RBBP4: variants seen among roughly 807,000 people sequenced by gnomAD.
RBBP4 encodes the protein histone-binding protein RBBP4.
RBBP4 carries 3 observed loss-of-function variants against 57.2 expected under a neutral mutation model. The observed-to-expected ratio is 0.05, with a 90% CI of 0.02 to 0.14. The LOEUF is 0.14. RBBP4 is among the 10% of genes least tolerant of loss of function. The pLI, the probability that RBBP4 is intolerant of heterozygous loss-of-function variation, is 1.00. For synonymous variants in RBBP4, 151 were observed against 171.5 expected, an observed-to-expected ratio of 0.88 and a Z score of 0.93; for missense variants, 107 against 520.6, an observed-to-expected ratio of 0.21 and a Z score of 7.73.
Position 32,684,047 on chromosome 1 carries a change from G to A in RBBP4, c.*4342G>A, listed in dbSNP as rs771653229. The A allele has an allele frequency of 1.7e-5, 28 of 1,614,084 alleles. No individual in the cohort carries two copies. The highest frequency in any genetic ancestry group is 1.4e-5 in the Non-Finnish European group (17 of 1,180,038). ...TCTCCATTCCACCTGCCTGAGAAGT[G>A]GGAGCATCAGCCTGTTCCAGGCTCT... On this transcript the variant is annotated 3_prime_UTR_variant, in exon 12 of 12. Coordinates refer to ENST00000373493, the MANE Select transcript of RBBP4 (RefSeq NM_005610.3).
chr1:32,664,067 C>T (rs1381432684), intron 3 of RBBP4, among the ~76,000 whole-genome samples: 1 of 151,970 alleles, frequency 6.6e-6, no homozygotes, highest in African/African-American at 2.4e-5. Context: ...GCTGGGACTA[C>T]AGGCGCCCGC....
chr1:32,679,764 G>C lies in RBBP4; in HGVS notation c.*59G>C, dbSNP rs1570880015. ...CTTTTTTCTTCTCAACCCTGAGAGTGATTTAACACTGGTTTTGAGACAGAC... is the reference window on the plus strand; with the variant it reads ...CTTTTTTCTTCTCAACCCTGAGAGTCATTTAACACTGGTTTTGAGACAGAC... On this transcript the variant is annotated 3_prime_UTR_variant, in exon 12 of 12. Transcript: ENST00000373493. The C allele has an allele frequency of 3.7e-6, 6 of 1,603,980 alleles. No individual in the cohort carries two copies. In the South Asian group the frequency reaches 6.7e-5, roughly 18 times the overall value.
chr1:32,679,249 A>G (rs1284396492), intron 11 of RBBP4, among the ~76,000 whole-genome samples: 2 of 152,208 alleles, frequency 1.3e-5, no homozygotes, highest in African/African-American at 2.4e-5. Flanking sequence ...GTGAGCCGAG[A>G]TGGTGCCACT....
Position 32,684,071 on chromosome 1 carries a change from C to G in RBBP4, c.*4366C>G. The G allele has an allele frequency of 1.2e-6, 2 of 1,614,024 alleles. No individual in the cohort carries two copies. The highest frequency in any genetic ancestry group is 1.3e-5 in the African/African-American group (1 of 74,916). ...TGGGAGCATCAGCCTGTTCCAGGCT[C>G]TTGGGTAGTAGCATAGCCCTTTAAA... On this transcript the variant is annotated 3_prime_UTR_variant, in exon 12 of 12. Transcript: ENST00000373493.
rs567804896 is a variant in RBBP4, at chr1:32,660,803, A to G, written c.310+3231A>G. ...TCAGAATCCAGCCTTTTTTTCCTAA[A>G]TGATTGAGTTTTTGTTGTTATTTTG... On this transcript the variant is annotated intron_variant, in intron 3 of 11. Coordinates refer to ENST00000373493, the MANE Select transcript of RBBP4 (RefSeq NM_005610.3). Among the ~76,000 whole-genome samples the G allele has an allele frequency of 2.0e-5, 3 of 150,914 alleles. No homozygotes were observed. In the South Asian group the frequency reaches 6.3e-4, roughly 32 times the overall value.
At chr1:32,657,263 G>T (rs1648185456) in intron 2 of RBBP4, among the ~76,000 whole-genome samples, 164 bp from the exon 3 acceptor site, 1 of 152,108 alleles carries the variant, frequency 6.6e-6, no homozygotes. Flanking sequence ...GCGAAAGAGT[G>T]AGACTCTATT....
rs146572862 is a variant in RBBP4, at chr1:32,661,555, A to C, written c.310+3983A>C. Among the ~76,000 whole-genome samples the C allele has an allele frequency of 2.2e-3, 329 of 151,886 alleles. 2 individuals are homozygous for C. The highest frequency in any genetic ancestry group is 3.8e-3 in the Non-Finnish European group (256 of 67,936). Reference sequence around the variant, plus strand: ...GTGATCCACCTGCGTCAGCCTCCCAAAGTGCTGGGATTACAGGCGTGACCA... The same window carrying C: ...GTGATCCACCTGCGTCAGCCTCCCACAGTGCTGGGATTACAGGCGTGACCA... On this transcript the variant is annotated intron_variant, in intron 3 of 11. Transcript: ENST00000373493.
Position 32,652,046 on chromosome 1 carries a change from T to G in RBBP4, c.149T>G (p.Leu50Arg). 6.2e-7 allele frequency: 1 copy of G among 1,613,740 alleles called. No individual in the cohort carries two copies. The highest frequency in any genetic ancestry group is 8.5e-7 in the Non-Finnish European group (1 of 1,179,764). Residue 50 changes from leucine to arginine, a missense_variant, in exon 2 of 12, where the codon CTT becomes CGT. This residue lies in a region of RBBP4 where 92 missense variants were observed against 408.5 expected (regional missense o/e 0.23). Coordinates refer to ENST00000373493, the MANE Select transcript of RBBP4 (RefSeq NM_005610.3). ...TGGCCCAGCCTAACTGCCCAGTGGC[T>G]TCCAGATGTAACCAGGTGACATGAC... The part of the protein sequence containing the change: ...LEWPSLTAQW[L>R]PDVTRPEGKD...
chr1:32,681,641 T>G lies in RBBP4; in HGVS notation c.*1936T>G. ...AGTATCAACAGCAGATGAAATAGAA[T>G]CCAGCAAAGAGTTGACATGTTCTGC... On this transcript the variant is annotated 3_prime_UTR_variant, in exon 12 of 12. Coordinates refer to ENST00000373493, the MANE Select transcript of RBBP4 (RefSeq NM_005610.3). 1.5e-6 allele frequency: 1 copy of G among 673,148 alleles called. No homozygotes were observed. The highest frequency in any genetic ancestry group is 2.6e-6 in the Non-Finnish European group (1 of 389,238). The allele number at this position is 673,148 out of a possible 1,614,324, so 41.7% of individuals were successfully genotyped here. A position where few individuals can be genotyped will look rare whatever the true frequency, so the allele number is the denominator to read the frequency against.
chr1:32,651,768 GGA>G (rs745565328), intron 1 of RBBP4, 144 bp from the exon 2 acceptor site: 47 of 990,812 alleles, frequency 4.7e-5, no homozygotes, highest in Admixed American at 8.1e-5. Context: ...CCGCGAAAGT[GGA>G]GAGTGTGGAT....
chr1:32,680,744 C>A lies in RBBP4; in HGVS notation c.*1039C>A. The A allele has an allele frequency of 1.9e-6, 1 of 535,264 alleles. No individual in the cohort carries two copies. The highest frequency in any genetic ancestry group is 3.3e-6 in the Non-Finnish European group (1 of 302,030). The allele number at this position is 535,264 out of a possible 1,614,324, so 33.2% of individuals were successfully genotyped here. A position where few individuals can be genotyped will look rare whatever the true frequency, so the allele number is the denominator to read the frequency against. ...GAGTCCTTCAGATGACAGTTGTTGTCCATGGTCTTTGACTATCAAGAGCAG... is the reference window on the plus strand; with the variant it reads ...GAGTCCTTCAGATGACAGTTGTTGTACATGGTCTTTGACTATCAAGAGCAG... On this transcript the variant is annotated 3_prime_UTR_variant, in exon 12 of 12. Transcript: ENST00000373493.
At chr1:32,657,793 G>T (rs936987947) in intron 3 of RBBP4, 1 of 430,700 alleles carries the variant, frequency 2.3e-6, no homozygotes, top group Non-Finnish European at 4.0e-6. Context: ...TTCTCAGCTG[G>T]TGCTGGTGGG....
At chr1:32,665,147 T>C (rs1323308396) in intron 3 of RBBP4, among the ~76,000 whole-genome samples, 1 of 152,106 alleles carries the variant, frequency 6.6e-6, no homozygotes, top group African/African-American at 2.4e-5. Flanking sequence ...TTTCTTGAGG[T>C]ACGTACCATA....
rs1649693348 is a variant in RBBP4, at chr1:32,684,649, CTTTTT to C, written c.*4945_*4949del. ...TAGAATCCTGGGAGGGTGATTGGGA[CTTTTT>C]AGTATTACAACCTTAGTGTCATTGA... On this transcript the variant is annotated 3_prime_UTR_variant, in exon 12 of 12. Transcript: ENST00000373493. 2.4e-6 allele frequency: 1 copy of C among 420,146 alleles called. No homozygotes were observed. Among genetic ancestry groups the C allele is most frequent in the East Asian group, 4.9e-5 (1 of 20,292 alleles). 26.0% of individuals were successfully genotyped at this position (420,146 alleles called of 1,614,324 possible). A position where few individuals can be genotyped will look rare whatever the true frequency, so the allele number is the denominator to read the frequency against.
chr1:32,653,255 CA>C, intron 2 of RBBP4, among the ~76,000 whole-genome samples: 1 of 151,728 alleles, frequency 6.6e-6, no homozygotes, highest in Non-Finnish European at 1.5e-5. Context: ...AATGACAATG[CA>C]AAAAACAAAG....
Position 32,668,388 on chromosome 1 carries a change from T to A in RBBP4, c.474T>A (p.Pro158=). ...DVLVFDYTKH[P]SKPDPSGECN... is the part of the protein sequence containing the mutation. ...TTGTTTTTGACTATACAAAACATCC[T>A]TCTAAACCAGGTATGTGCCCTTTTC... The change falls in exon 4 of 12, where the codon CCT becomes CCA. Residue 158 remains proline, a synonymous_variant. Transcript: ENST00000373493. 6.3e-7 allele frequency: 1 copy of A among 1,597,930 alleles called. No individual in the cohort carries two copies. The highest frequency in any genetic ancestry group is 1.1e-5 in the South Asian group (1 of 90,184).
At position 32,680,163 on chromosome 1, in the gene RBBP4, C is replaced by G; in HGVS notation, c.*458C>G. On this transcript the variant is annotated 3_prime_UTR_variant, in exon 12 of 12. Transcript: ENST00000373493. ...GTCATATAGATTCCTACTCGAAAAT[C>G]TTGACACCTGACTTTCCAGGATGCA... 3.8e-6 allele frequency: 4 copies of G among 1,055,154 alleles called. No homozygotes were observed. Among genetic ancestry groups the G allele is most frequent in the Non-Finnish European group, 4.5e-6 (4 of 893,848 alleles). 65.4% of individuals were successfully genotyped at this position (1,055,154 alleles called of 1,614,324 possible).
At position 32,657,547 on chromosome 1, in the gene RBBP4, G is replaced by C; in HGVS notation, c.285G>C (p.Ala95=). ...CTAATGATGATGCTCAGTTTGATGC[G>C]TCACACTACGACAGTGAGAAAGGAG... ...QLPNDDAQFD[A]SHYDSEKGEF... is the part of the protein sequence containing the mutation. The change falls in exon 3 of 12, where the codon GCG becomes GCC. Residue 95 remains alanine, a synonymous_variant. Coordinates refer to ENST00000373493, the MANE Select transcript of RBBP4 (RefSeq NM_005610.3). The C allele has an allele frequency of 6.2e-7, 1 of 1,613,948 alleles. No individual in the cohort carries two copies. Among genetic ancestry groups the C allele is most frequent in the Non-Finnish European group, 8.5e-7 (1 of 1,179,960 alleles).
chr1:32,667,377 G>T (rs1034049111), intron 3 of RBBP4, among the ~76,000 whole-genome samples: 1 of 152,234 alleles, frequency 6.6e-6, no homozygotes, highest in Admixed American at 6.5e-5. Flanking sequence ...GCCTGAAAGG[G>T]AAGGGCCCCT....
Sources: allele counts gnomAD v4.1 joint callset (sites outside exome capture counted in the v4.1 genomes callset), GRCh38; gene constraint gnomAD v4.1.1; regional missense constraint gnomAD v4.1.1; transcripts MANE v1.5; gene names NCBI Gene and HGNC (gene_info 2026-07-23, HGNC 2026-07-21).